LRP6: variants seen among roughly 807,000 people sequenced by gnomAD.
LRP6 encodes the protein LDL receptor related protein 6, also known as low-density lipoprotein receptor-related protein 6.
A neutral mutation model predicts 184.1 loss-of-function variants in LRP6; 43 were observed. That is an observed-to-expected ratio of 0.23 (90% CI 0.18 to 0.30). LRP6 has a LOEUF of 0.30. Among genes scored for constraint, LRP6 ranks in the 10% least tolerant of loss-of-function variants. The pLI is 1.00. For synonymous variants in LRP6, 719 were observed against 684.9 expected (o/e 1.05, Z -0.78); for missense variants, 1,571 against 2,005.3 (o/e 0.78, Z 4.14).
At chr12:12,266,498 T>C (rs927844344) in intron 1 of LRP6, among the ~76,000 whole-genome samples, 183 bp downstream of exon 1, 2 of 152,040 alleles carry the variant, frequency 1.3e-5, no homozygotes, top group Non-Finnish European at 2.9e-5. Flanking sequence ...GTCCGCATTG[T>C]GGCCGGGCGG....
At chr12:12,187,997 G>A (rs1246565159) in intron 3 of LRP6, among the ~76,000 whole-genome samples, 2 of 151,954 alleles carry the variant, frequency 1.3e-5, no homozygotes, top group South Asian at 2.1e-4. Flanking sequence ...GGATCACAAG[G>A]TCAGGAGTTC....
chr12:12,154,799 GGAAAA>G (rs1289702396), intron 12 of LRP6, among the ~76,000 whole-genome samples: 1 of 152,062 alleles, frequency 6.6e-6, no homozygotes, highest in Non-Finnish European at 1.5e-5. Flanking sequence ...GACGAGGAAA[GGAAAA>G]GAAAAATTTA....
At chr12:12,156,565 G>C (rs1266509331) in intron 12 of LRP6, among the ~76,000 whole-genome samples, 4 of 152,184 alleles carry the variant, frequency 2.6e-5, no homozygotes, top group African/African-American at 9.6e-5. Flanking sequence ...GTCTATATAT[G>C]TCACTATCGT....
intron 7 of LRP6, among the ~76,000 whole-genome samples, chr12:12,179,381 G>C (rs201678124): frequency 1.6e-5 from 1 of 60,844 alleles, no homozygotes; most frequent in East Asian, 1.8e-3. Flanking sequence ...TATAGATATA[G>C]ATATAGATAT....
chr12:12,179,962 A>G lies in LRP6; in HGVS notation c.1393T>C (p.Trp465Arg), dbSNP rs773368256. Reference protein sequence around the residue: ...PMVGYMYWTDWGEIPKIERAA... With the variant: ...PMVGYMYWTDRGEIPKIERAA... ...CGCTCAATTTTCGGAATTTCTCCCC[A>G]GTCAGTCCAATACATGTACCTAGAG... Residue 465 changes from tryptophan to arginine, a missense_variant, in exon 7 of 23, where the codon TGG (tryptophan) becomes CGG (arginine). By Grantham distance (101) the Trp-to-Arg change is moderately radical (BLOSUM62 -3). Around this residue, in one of 4 missense-constraint regions of LRP6, gnomAD observed 640 missense variants for 851.9 expected, o/e 0.75. Coordinates refer to ENST00000261349, the MANE Select transcript of LRP6 (RefSeq NM_002336.3). 6.2e-7 allele frequency: 1 copy of G among 1,613,844 alleles called. No individual in the cohort carries two copies. The highest frequency in any genetic ancestry group is 1.1e-5 in the South Asian group (1 of 91,076).
intron 1 of LRP6, among the ~76,000 whole-genome samples, chr12:12,258,456 G>A (rs1207853183): frequency 2.6e-5 from 4 of 152,042 alleles, no homozygotes; most frequent in African/African-American, 4.8e-5. Flanking sequence ...GCTAATGAAC[G>A]ATTGAGTCAA....
intron 2 of LRP6, among the ~76,000 whole-genome samples, chr12:12,231,997 TCAAAAAAAAAAA>T (rs1324134257): frequency 2.2e-5 from 3 of 138,168 alleles, no homozygotes; most frequent in African/African-American, 8.1e-5. Context: ...AGACCCTGCC[TCAAAAAAAAAAA>T]CAAAAACAAA....
At chr12:12,220,284 C>G (rs987489087) in intron 2 of LRP6, among the ~76,000 whole-genome samples, 1 of 149,374 alleles carries the variant, frequency 6.7e-6, no homozygotes, top group Non-Finnish European at 1.5e-5. Flanking sequence ...CGAGAACCTG[C>G]CTCAAAAAAA....
intron 2 of LRP6, among the ~76,000 whole-genome samples, chr12:12,238,935 C>CACAAAAA (rs1350679190): frequency 1.3e-5 from 2 of 151,822 alleles, no homozygotes; most frequent in Non-Finnish European, 2.9e-5. Context: ...GTAAAAAAAA[C>CACAAAAA]ACAAAAAACA....
In LRP6 at chr12:12,119,775, C is replaced by T. The variant is rs1395701256; in HGVS notation, c.*1351G>A. On this transcript the variant is annotated 3_prime_UTR_variant, in exon 23 of 23. Transcript: ENST00000261349. ...GATAATTTGAAAACAGCCTAACATT[C>T]ACAGTGGGTAACAGAAAGATATTAA... 6.6e-6 allele frequency: 1 copy of T among 151,714 alleles called. No homozygotes were observed. Among genetic ancestry groups the T allele is most frequent in the Non-Finnish European group, 1.5e-5 (1 of 67,958 alleles). 9.4% of individuals were successfully genotyped at this position (151,714 alleles called of 1,614,324 possible).
chr12:12,225,884 AAAG>A (rs1819110652), intron 2 of LRP6, among the ~76,000 whole-genome samples: 1 of 152,044 alleles, frequency 6.6e-6, no homozygotes, highest in South Asian at 2.1e-4. Context: ...AAAAAAAAAA[AAAG>A]AGAGAGACCT....
At chr12:12,219,893 AG>A (rs908947204) in intron 2 of LRP6, among the ~76,000 whole-genome samples, 1 of 152,196 alleles carries the variant, frequency 6.6e-6, no homozygotes, top group Admixed American at 6.5e-5. Flanking sequence ...GAGGACGTAG[AG>A]GTCAAAGAGG....
At chr12:12,127,784 T>TA (rs1949693417) in intron 19 of LRP6, among the ~76,000 whole-genome samples, 2 of 152,316 alleles carry the variant, frequency 1.3e-5, no homozygotes, top group South Asian at 2.1e-4. Context: ...GCAGATCCTT[T>TA]AAAAAACTTC....
At chr12:12,139,450 G>A (rs1192838178) in intron 15 of LRP6, among the ~76,000 whole-genome samples, 1 of 152,214 alleles carries the variant, frequency 6.6e-6, no homozygotes, top group East Asian at 1.9e-4. Flanking sequence ...TAGGCCGGGT[G>A]CAGTGGCACA....
chr12:12,202,468 A>C (rs919423672), intron 3 of LRP6, among the ~76,000 whole-genome samples: 3 of 152,216 alleles, frequency 2.0e-5, no homozygotes, highest in African/African-American at 7.2e-5. Context: ...GCTTGAGCCC[A>C]GGAGACAGAG....
At chr12:12,192,714 T>TAA (rs1863649587) in intron 3 of LRP6, among the ~76,000 whole-genome samples, 1 of 151,876 alleles carries the variant, frequency 6.6e-6, no homozygotes, top group Admixed American at 6.6e-5. Context: ...TACAGGTACC[T>TAA]AAAAACAGAG....
chr12:12,133,038 T>C (rs1949779302), intron 17 of LRP6, among the ~76,000 whole-genome samples: 1 of 152,204 alleles, frequency 6.6e-6, no homozygotes, highest in African/African-American at 2.4e-5. Context: ...GTGAACATTT[T>C]ACATGGGGAA....
intron 13 of LRP6, among the ~76,000 whole-genome samples, chr12:12,149,950 A>C (rs11054710): frequency 6.6e-6 from 1 of 152,088 alleles, no homozygotes; most frequent in South Asian, 2.1e-4. Context: ...GTGTGTCTGG[A>C]ATACACAGCT....
intron 16 of LRP6, among the ~76,000 whole-genome samples, chr12:12,136,032 A>T (rs1949834544): frequency 6.6e-6 from 1 of 151,900 alleles, no homozygotes; most frequent in African/African-American, 2.4e-5. Context: ...TAAAATACAA[A>T]AGAAATTAGC....
Sources: allele counts gnomAD v4.1 joint callset (sites outside exome capture counted in the v4.1 genomes callset), GRCh38; gene constraint gnomAD v4.1.1; regional missense constraint gnomAD v4.1.1; transcripts MANE v1.5; gene names NCBI Gene and HGNC (gene_info 2026-07-23, HGNC 2026-07-21).